The following EMILIN2 variants were observed in gnomAD, a reference collection of about 807,000 sequenced individuals.
EMILIN2 encodes EMILIN-2.
A neutral mutation model predicts 87.1 loss-of-function variants in EMILIN2; 71 were observed. The observed-to-expected ratio is 0.82, with a 90% CI of 0.67 to 0.99. The LOEUF is 0.99. Among genes scored for constraint, EMILIN2 ranks in the 50% least tolerant of loss-of-function variants. EMILIN2 has a pLI of 0.00. For synonymous variants in EMILIN2, 581 were observed against 563.4 expected (o/e 1.03, Z -0.44); for missense variants, 1,407 against 1,371.8 (o/e 1.03, Z -0.40).
chr18:2,870,569 G>C (rs2076714436), intron 2 of EMILIN2, among the ~76,000 whole-genome samples: 1 of 152,238 alleles, frequency 6.6e-6, no homozygotes, highest in Non-Finnish European at 1.5e-5. Flanking sequence ...GAGAATTGTA[G>C]TAAGAGAAAC....
At chr18:2,897,265 G>GT (rs1345592288) in intron 4 of EMILIN2, among the ~76,000 whole-genome samples, 2 of 152,190 alleles carry the variant, frequency 1.3e-5, no homozygotes, top group Non-Finnish European at 2.9e-5. Context: ...ATCCATGCTT[G>GT]TAAACAGTGG....
intron 2 of EMILIN2, among the ~76,000 whole-genome samples, chr18:2,866,289 C>T (rs146618875): frequency 5.9e-5 from 9 of 152,356 alleles, no homozygotes; most frequent in East Asian, 1.9e-4. Context: ...GCGTCGCTCA[C>T]GCTGGGAGCT....
chr18:2,877,173 T>C (rs2076753158), intron 2 of EMILIN2, among the ~76,000 whole-genome samples: 2 of 152,224 alleles, frequency 1.3e-5, no homozygotes, highest in Admixed American at 1.3e-4. Context: ...ATGCAGAGAT[T>C]GGCTTTATAG....
chr18:2,895,304 A>T (rs2076858306), intron 4 of EMILIN2, among the ~76,000 whole-genome samples: 1 of 152,064 alleles, frequency 6.6e-6, no homozygotes, highest in African/African-American at 2.4e-5. Context: ...TGATGGGGTG[A>T]GGAATAAGGT....
At chr18:2,871,648 G>A (rs1446909886) in intron 2 of EMILIN2, among the ~76,000 whole-genome samples, 5 of 152,206 alleles carry the variant, frequency 3.3e-5, no homozygotes, top group African/African-American at 1.2e-4. Flanking sequence ...GGTATTGCTA[G>A]AAAGGACCAC....
chr18:2,893,380 C>CAG (rs1555669062), intron 4 of EMILIN2, among the ~76,000 whole-genome samples: 2 of 151,652 alleles, frequency 1.3e-5, no homozygotes, highest in Non-Finnish European at 2.9e-5. Context: ...TGTTTCCAGA[C>CAG]ACAGGACCGT....
At position 2,914,247 on chromosome 18, in the gene EMILIN2, T is replaced by C. The variant is rs1460011357; in HGVS notation, c.*843T>C. The C allele has an allele frequency of 2.0e-5, 3 of 152,218 alleles. 1 individual carries two copies. 9.4% of individuals were successfully genotyped at this position (152,218 alleles called of 1,614,324 possible). On this transcript the variant is annotated 3_prime_UTR_variant, in exon 8 of 8. Coordinates refer to ENST00000254528, the MANE Select transcript of EMILIN2 (RefSeq NM_032048.3). ...TCCAAGCTATACACTTGGGTTTTGT[T>C]TCTGGCTTGTGAAGACGGACCAGAT...
chr18:2,871,042 T>A (rs958751888), intron 2 of EMILIN2, among the ~76,000 whole-genome samples: 1 of 152,234 alleles, frequency 6.6e-6, no homozygotes, highest in Non-Finnish European at 1.5e-5. Flanking sequence ...TGTTTTAACT[T>A]GTTTTAACTT....
intron 2 of EMILIN2, among the ~76,000 whole-genome samples, chr18:2,869,786 T>TGTGTGTG (rs1568461094): frequency 3.4e-5 from 2 of 59,068 alleles, no homozygotes; most frequent in Admixed American, 2.0e-4. Flanking sequence ...GTGTGTGTGT[T>TGTGTGTG]TGTGTGTGTG....
rs542948181 is a variant in EMILIN2 at position 2,906,912 on chromosome 18, C to G, written c.2489C>G (p.Pro830Arg). 41 of 1,394,924 alleles carry G rather than the reference C, an allele frequency of 2.9e-5. No individual in the cohort carries two copies. The African/African-American group carries it at 5.5e-4, about 19-fold the overall frequency. The allele number at this position is 1,394,924 out of a possible 1,614,324, so 86.4% of individuals were successfully genotyped here. A position where few individuals can be genotyped will look rare whatever the true frequency, so the allele number is the denominator to read the frequency against. The change falls in exon 5 of 8, where the codon CCC (proline) becomes CGC (arginine). Residue 830 changes from proline to arginine, a missense_variant. Transcript: ENST00000254528. ...PGRRPVLPQR[P>R]PEERPPQPPG... ...CGACGGCCCGTCCTGCCCCAGCGGC[C>G]CCCCGAGGAGAGGCCGCCCCAGCCG... is the stretch of plus-strand genomic sequence containing the variant.
chr18:2,898,258 CTG>C (rs1463002243), intron 4 of EMILIN2, among the ~76,000 whole-genome samples: 4 of 152,266 alleles, frequency 2.6e-5, no homozygotes, highest in African/African-American at 9.6e-5. Context: ...CTCCCAGGCA[CTG>C]GGTGACCAGC....
intron 3 of EMILIN2, among the ~76,000 whole-genome samples, chr18:2,889,552 C>T (rs2076822574): frequency 6.6e-6 from 1 of 152,100 alleles, no homozygotes. Context: ...AATTTATCTT[C>T]ATTTTATGAC....
chr18:2,909,637 C>T, intron 6 of EMILIN2, 54 bp from the exon 7 acceptor site: 3 of 1,594,298 alleles, frequency 1.9e-6, no homozygotes, highest in East Asian at 4.6e-5. Context: ...CAGGCCCTCC[C>T]CCTGGAGGAC....
chr18:2,846,885 G>C, upstream of EMILIN2: 3 of 988,642 alleles, frequency 3.0e-6, no homozygotes, highest in Non-Finnish European at 3.6e-6. This position sits in a 1 kb window ranked among gnomAD's most constrained non-coding sequence, Gnocchi z 5.3. Context: ...ACTGGAGACG[G>C]GGAGACTTGG....
rs897809572 is a variant in EMILIN2 at position 2,906,715 on chromosome 18, C to T, written c.2360-68C>T. 5 of 1,165,798 alleles carry T rather than the reference C, an allele frequency of 4.3e-6. No individual in the cohort carries two copies. The Admixed American group carries it at 1.3e-4, about 30-fold the overall frequency. 72.2% of individuals were successfully genotyped at this position (1,165,798 alleles called of 1,614,324 possible). A position where few individuals can be genotyped will look rare whatever the true frequency, so the allele number is the denominator to read the frequency against. On this transcript the variant is annotated intron_variant, in intron 4 of 7. Coordinates refer to ENST00000254528, the MANE Select transcript of EMILIN2 (RefSeq NM_032048.3). ...CGCTCGCCGGGACTCATGGAGGGGA[C>T]CCTGACGGGGCAGTCAGGGCTGAGG...
At chr18:2,901,357 C>T (rs895098427) in intron 4 of EMILIN2, among the ~76,000 whole-genome samples, 4 of 152,182 alleles carry the variant, frequency 2.6e-5, no homozygotes, top group Admixed American at 6.5e-5. Flanking sequence ...CTGTAATGAG[C>T]GAGGGTGTTA....
At position 2,851,403 on chromosome 18, in the gene EMILIN2, C is replaced by T. The variant is rs2076601076; in HGVS notation, c.257+3472C>T. 2.6e-5 allele frequency among the ~76,000 whole-genome samples: 4 copies of T among 152,164 alleles called. No homozygotes were observed. In the South Asian group the frequency reaches 8.3e-4, roughly 32 times the overall value. ...TGAGCTATGATCACGTCACTGCGCT[C>T]CAGCCTGGGTGATAGAGTGAGATCC... On this transcript the variant is annotated intron_variant, in intron 2 of 7. Transcript: ENST00000254528.
rs1351143521 is a variant in EMILIN2, at chr18:2,891,214, C to G, written c.1087C>G (p.Leu363Val). The change falls in exon 4 of 8, where the codon CTG (leucine) becomes GTG (valine). Residue 363 changes from leucine to valine, a missense_variant. Leu to Val is a conservative substitution (Grantham distance 32, BLOSUM62 1). Coordinates refer to ENST00000254528, the MANE Select transcript of EMILIN2 (RefSeq NM_032048.3). The surrounding 1 kb of genome is among the most constrained non-coding windows in gnomAD (Gnocchi z 4.6). ...QQCDDYGSSY[L>V]GVIELIGEKE... is the part of the protein sequence containing the mutation. ...GTGTGATGACTATGGGAGCAGCTAC[C>G]TGGGAGTGATAGAGCTCATAGGGGA... The G allele has an allele frequency of 1.2e-6, 2 of 1,614,062 alleles. No individual in the cohort carries two copies. Among genetic ancestry groups the G allele is most frequent in the East Asian group, 2.2e-5 (1 of 44,892 alleles).
intron 2 of EMILIN2, among the ~76,000 whole-genome samples, chr18:2,874,102 A>C (rs2076735795): frequency 2.0e-5 from 2 of 101,574 alleles, no homozygotes; most frequent in Non-Finnish European, 3.9e-5. Flanking sequence ...TGTCCTGGAG[A>C]AAAGCTCCTC....
Sources: gnomAD v4.1 joint callset for allele counts (sites outside exome capture counted in the v4.1 genomes callset) on GRCh38, gnomAD v4.1.1 for gene constraint, Gnocchi (gnomAD v3.1) non-coding constraint, MANE v1.5 for transcripts, NCBI Gene and HGNC (gene_info 2026-07-23, HGNC 2026-07-21) for gene names.